The following GHR variants were observed in gnomAD, a reference collection of about 807,000 sequenced individuals.
GHR encodes the protein growth hormone receptor, also known as GH receptor.
A neutral mutation model predicts 67.1 loss-of-function variants in GHR; 35 were observed. The observed-to-expected ratio is 0.52, with a 90% CI of 0.40 to 0.69. The LOEUF (loss-of-function observed/expected upper bound fraction) is 0.69, where lower values mean the gene tolerates loss of function less well. Among genes scored for constraint, GHR ranks in the 30% least tolerant of loss-of-function variants. The pLI is 0.00. For synonymous variants in GHR, 272 were observed against 269.1 expected (o/e 1.01, Z -0.10); for missense variants, 792 against 764.6 (o/e 1.04, Z -0.42).
intron 1 of GHR, among the ~76,000 whole-genome samples, chr5:42,546,047 A>G (rs191216432): frequency 1.3e-5 from 2 of 152,362 alleles, no homozygotes. Flanking sequence ...GATAAGGAGC[A>G]GTATCTTCTA....
At chr5:42,657,267 T>A (rs961743949) in intron 3 of GHR, among the ~76,000 whole-genome samples, 4 of 152,160 alleles carry the variant, frequency 2.6e-5, no homozygotes, top group Non-Finnish European at 5.9e-5. Context: ...GAGGCATCAT[T>A]TTCTTCATAT....
chr5:42,647,497 C>T (rs951218004), intron 3 of GHR, among the ~76,000 whole-genome samples: 2 of 151,156 alleles, frequency 1.3e-5, no homozygotes, highest in African/African-American at 4.9e-5. Flanking sequence ...TGGCATGAAC[C>T]CGGGAGGCAG....
intron 1 of GHR, among the ~76,000 whole-genome samples, chr5:42,455,539 T>C (rs947210906): frequency 6.6e-6 from 1 of 152,236 alleles, no homozygotes; most frequent in Non-Finnish European, 1.5e-5. Flanking sequence ...TCATGGAAAT[T>C]TATTCCCAAT....
chr5:42,713,588 G>A (rs1561251306), intron 8 of GHR, 69 bp downstream of exon 8: 1 of 792,362 alleles, frequency 1.3e-6, no homozygotes, highest in Non-Finnish European at 2.2e-6. Flanking sequence ...GTTTCTATTT[G>A]TTATTTGATA....
intron 8 of GHR, among the ~76,000 whole-genome samples, chr5:42,717,184 T>TA (rs1758763665): frequency 1.3e-5 from 2 of 152,056 alleles, no homozygotes; most frequent in South Asian, 2.1e-4. Flanking sequence ...CCTGTAGTCC[T>TA]AGCTACTTAG....
intron 1 of GHR, among the ~76,000 whole-genome samples, chr5:42,456,265 C>T (rs899943592): frequency 6.6e-6 from 1 of 152,142 alleles, no homozygotes; most frequent in Admixed American, 6.5e-5. Flanking sequence ...GAGCCGAGAT[C>T]GTGCCACTGC....
At chr5:42,700,450 T>C (rs982700587) in intron 6 of GHR, among the ~76,000 whole-genome samples, 1 of 152,148 alleles carries the variant, frequency 6.6e-6, no homozygotes, top group Non-Finnish European at 1.5e-5. Flanking sequence ...GGAGGGAATT[T>C]GTCTCTTAGA....
At chr5:42,598,511 C>G (rs1752200801) in intron 2 of GHR, among the ~76,000 whole-genome samples, 1 of 152,146 alleles carries the variant, frequency 6.6e-6, no homozygotes, top group Admixed American at 6.5e-5. Flanking sequence ...TAGGACTTGT[C>G]CTCAACATGT....
intron 1 of GHR, among the ~76,000 whole-genome samples, chr5:42,458,577 T>A (rs1227090377): frequency 1.3e-5 from 2 of 152,106 alleles, no homozygotes; most frequent in African/African-American, 4.8e-5. Context: ...TGGCAAAGAT[T>A]CCATGACAAA....
At chr5:42,440,484 A>G (rs1406609561) in intron 1 of GHR, among the ~76,000 whole-genome samples, 1 of 152,230 alleles carries the variant, frequency 6.6e-6, no homozygotes, top group Non-Finnish European at 1.5e-5. Context: ...AGGAGAAAGA[A>G]CATGATCCAA....
intron 7 of GHR, among the ~76,000 whole-genome samples, chr5:42,712,758 G>C (rs1196254876): frequency 6.6e-6 from 1 of 151,924 alleles, no homozygotes; most frequent in Non-Finnish European, 1.5e-5. Flanking sequence ...TTACAAACAG[G>C]TTCCCCCAAG....
intron 1 of GHR, among the ~76,000 whole-genome samples, chr5:42,425,476 A>C (rs1241357157): frequency 2.0e-5 from 3 of 152,194 alleles, no homozygotes; most frequent in Non-Finnish European, 4.4e-5. Flanking sequence ...TCTGATGATA[A>C]ATGTTGAAAC....
At chr5:42,548,520 C>T (rs770088706) in intron 1 of GHR, 50 of 980,078 alleles carry the variant, frequency 5.1e-5, no homozygotes, top group South Asian at 1.4e-4. Context: ...CAATATCTGC[C>T]GGACTATTGG....
chr5:42,681,408 A>T (rs566422435), intron 3 of GHR, among the ~76,000 whole-genome samples: 1 of 152,360 alleles, frequency 6.6e-6, no homozygotes, highest in Admixed American at 6.5e-5. Flanking sequence ...CCACAATGAG[A>T]TACCATTTCA....
intron 3 of GHR, among the ~76,000 whole-genome samples, chr5:42,677,417 T>C (rs1580181039): frequency 6.6e-6 from 1 of 152,198 alleles, no homozygotes; most frequent in Admixed American, 6.5e-5. Context: ...TCTCTTTTCA[T>C]TGTTTCTCAG....
At chr5:42,701,034 C>A (rs1757904835) in intron 6 of GHR, among the ~76,000 whole-genome samples, 1 of 152,146 alleles carries the variant, frequency 6.6e-6, no homozygotes, top group African/African-American at 2.4e-5. Flanking sequence ...AACTACTATG[C>A]AGAAGGCACT....
chr5:42,536,424 T>C (rs1433696972), intron 1 of GHR, among the ~76,000 whole-genome samples: 1 of 152,218 alleles, frequency 6.6e-6, no homozygotes, highest in Admixed American at 6.6e-5. Flanking sequence ...GAGATGATCA[T>C]GTGATTTTTG....
chr5:42,481,399 G>A (rs924036986), intron 1 of GHR, among the ~76,000 whole-genome samples: 3 of 152,092 alleles, frequency 2.0e-5, no homozygotes, highest in Non-Finnish European at 4.4e-5. Context: ...TATCTTTATG[G>A]CGTTTTCTGT....
At chr5:42,563,799 C>G (rs1447277596) in intron 1 of GHR, among the ~76,000 whole-genome samples, 1 of 151,900 alleles carries the variant, frequency 6.6e-6, no homozygotes, top group Non-Finnish European at 1.5e-5. Context: ...CAGAGTGAAA[C>G]AAAAAAAGAA....
Sources: gnomAD v4.1 joint callset for allele counts (sites outside exome capture counted in the v4.1 genomes callset) on GRCh38, gnomAD v4.1.1 for gene constraint, MANE v1.5 for transcripts, NCBI Gene and HGNC (gene_info 2026-07-23, HGNC 2026-07-21) for gene names.